The following ZBTB7C variants were observed in gnomAD, a reference collection of about 807,000 sequenced individuals.
The protein encoded by ZBTB7C is zinc finger and BTB domain containing 7C.
ZBTB7C carries 8 observed loss-of-function variants against 25.7 expected under a neutral mutation model. That is an observed-to-expected ratio of 0.31 (90% confidence interval 0.18 to 0.56). The LOEUF is 0.56. Ranked by LOEUF, ZBTB7C falls within the 20% of genes least tolerant of loss-of-function variation. The pLI, the probability that ZBTB7C is intolerant of heterozygous loss-of-function variation, is 0.91. For missense variants in ZBTB7C, 824 were observed against 855.2 expected, an observed-to-expected ratio of 0.96 and a Z score of 0.46; for synonymous variants, 394 against 369.0, an observed-to-expected ratio of 1.07 and a Z score of -0.78.
intron 3 of ZBTB7C, among the ~76,000 whole-genome samples, chr18:48,081,965 A>C (rs2038004654): frequency 9.8e-6 from 1 of 101,816 alleles, no homozygotes; most frequent in Admixed American, 7.9e-5. Context: ...TATTGCAAAA[A>C]TTAATGTTAA....
At chr18:48,169,028 T>C (rs1009758593) in intron 3 of ZBTB7C, among the ~76,000 whole-genome samples, 5 of 152,232 alleles carry the variant, frequency 3.3e-5, no homozygotes, top group African/African-American at 1.2e-4. Flanking sequence ...TCTGGGGCAC[T>C]TGCCCTGTCC....
chr18:48,402,767 G>GA (rs1426768463), intron 1 of ZBTB7C, among the ~76,000 whole-genome samples: 6 of 151,850 alleles, frequency 4.0e-5, no homozygotes, highest in South Asian at 4.2e-4. Flanking sequence ...GCTGGTTCCA[G>GA]AAAAAAAAGA....
intron 2 of ZBTB7C, among the ~76,000 whole-genome samples, chr18:48,195,143 A>G (rs57365808): frequency 0.032 from 4,814 of 152,310 alleles, 218 homozygotes; most frequent in African/African-American, 0.1. Context: ...TTAACCTTTA[A>G]TATATACTTG....
intron 2 of ZBTB7C, among the ~76,000 whole-genome samples, chr18:48,310,466 A>G (rs1472620788): frequency 6.6e-6 from 1 of 152,112 alleles, no homozygotes; most frequent in Non-Finnish European, 1.5e-5. Context: ...ACTTCCAAAA[A>G]AAGTCTACTG....
At chr18:48,309,591 GA>G (rs1214836606) in intron 2 of ZBTB7C, among the ~76,000 whole-genome samples, 3 of 152,174 alleles carry the variant, frequency 2.0e-5, no homozygotes, top group Admixed American at 1.3e-4. Context: ...TTTTTAAAAG[GA>G]AACGGTACCA....
intron 3 of ZBTB7C, among the ~76,000 whole-genome samples, chr18:48,052,103 G>A (rs540355186): frequency 1.3e-5 from 2 of 152,172 alleles, no homozygotes; most frequent in South Asian, 2.1e-4. Context: ...TAAATCACTC[G>A]TCTCCCATAA....
intron 3 of ZBTB7C, among the ~76,000 whole-genome samples, chr18:48,045,089 G>T (rs1452646044): frequency 6.6e-6 from 1 of 152,210 alleles, no homozygotes; most frequent in African/African-American, 2.4e-5. Context: ...CCAGACTGCA[G>T]GTTCAGAGGT....
intron 2 of ZBTB7C, among the ~76,000 whole-genome samples, chr18:48,189,545 A>AAG (rs1380802087): frequency 6.6e-6 from 1 of 152,182 alleles, no homozygotes; most frequent in Non-Finnish European, 1.5e-5. Context: ...CAACTTAGAA[A>AAG]AATAAAATTA....
chr18:48,258,277 T>A (rs987757180), intron 2 of ZBTB7C, among the ~76,000 whole-genome samples: 1 of 152,200 alleles, frequency 6.6e-6, no homozygotes, highest in African/African-American at 2.4e-5. Flanking sequence ...GGAGCAGAAG[T>A]AAGACTACTT....
chr18:48,121,945 C>CTG (rs1266933906), intron 3 of ZBTB7C, among the ~76,000 whole-genome samples: 1 of 152,150 alleles, frequency 6.6e-6, no homozygotes, highest in Non-Finnish European at 1.5e-5. Context: ...GTGGAGGATA[C>CTG]AGCATTAAGG....
At chr18:48,165,761 G>C (rs141421920) in intron 3 of ZBTB7C, among the ~76,000 whole-genome samples, 5 of 152,174 alleles carry the variant, frequency 3.3e-5, no homozygotes, top group Admixed American at 3.3e-4. Context: ...CTTGAACATC[G>C]TAACCACAAC....
intron 2 of ZBTB7C, among the ~76,000 whole-genome samples, chr18:48,276,737 T>A (rs1245931812): frequency 1.2e-5 from 1 of 80,524 alleles, no homozygotes; most frequent in Admixed American, 1.6e-4. Context: ...TCTTTGCTAT[T>A]GTGAATAATG....
intron 2 of ZBTB7C, among the ~76,000 whole-genome samples, chr18:48,268,726 T>G (rs1034860763): frequency 9.4e-5 from 13 of 137,724 alleles, no homozygotes; most frequent in African/African-American, 3.6e-4. Context: ...GAAAGCATCC[T>G]TGTCAAGACA....
chr18:48,042,228 A>G (rs892592428), intron 3 of ZBTB7C, among the ~76,000 whole-genome samples: 1 of 152,226 alleles, frequency 6.6e-6, no homozygotes, highest in Non-Finnish European at 1.5e-5. Flanking sequence ...ATCACTAGAG[A>G]CAGAAACTAA....
At position 48,056,551 on chromosome 18, in the gene ZBTB7C, C is replaced by T. The variant is rs139455046; in HGVS notation, c.-16-15428G>A. Among the ~76,000 whole-genome samples, 93 of 152,074 alleles carry T rather than the reference C, an allele frequency of 6.1e-4. 1 individual carries two copies. In the East Asian group the frequency reaches 0.014, roughly 23 times the overall value. On this transcript the variant is annotated intron_variant, in intron 3 of 4. Coordinates refer to ENST00000590800, the MANE Select transcript of ZBTB7C (RefSeq NM_001318841.2). ...AGGAAGACAGATCAATATAAAGTCA[C>T]GGGCAGTCCATAAACAGACTCACAT... is the stretch of plus-strand genomic sequence containing the variant.
intron 3 of ZBTB7C, among the ~76,000 whole-genome samples, chr18:48,178,573 AGGGACATGT>A (rs2041764790): frequency 6.6e-6 from 1 of 152,178 alleles, no homozygotes; most frequent in African/African-American, 2.4e-5. Context: ...ATCCAACTAG[AGGGACATGT>A]GGCAGAATAT....
chr18:48,090,469 C>A (rs1261443349), intron 3 of ZBTB7C, among the ~76,000 whole-genome samples: 1 of 152,242 alleles, frequency 6.6e-6, no homozygotes, highest in Non-Finnish European at 1.5e-5. Context: ...TATAGACAAG[C>A]AAGGCAGGAA....
At chr18:48,307,646 G>A (rs2045707438) in intron 2 of ZBTB7C, among the ~76,000 whole-genome samples, 1 of 152,178 alleles carries the variant, frequency 6.6e-6, no homozygotes, top group Non-Finnish European at 1.5e-5. Flanking sequence ...TCAAGAGATC[G>A]AGACCATGCT....
chr18:48,293,700 C>T (rs1209457153), intron 2 of ZBTB7C, among the ~76,000 whole-genome samples: 2 of 152,110 alleles, frequency 1.3e-5, no homozygotes, highest in African/African-American at 4.8e-5. Context: ...AATCCTCTCC[C>T]CTCATCCCTA....
Sources: gnomAD v4.1 joint callset for allele counts (sites outside exome capture counted in the v4.1 genomes callset) on GRCh38, gnomAD v4.1.1 for gene constraint, MANE v1.5 for transcripts, NCBI Gene and HGNC (gene_info 2026-07-23, HGNC 2026-07-21) for gene names.